LRRC7: variants seen among roughly 807,000 people sequenced by gnomAD.
LRRC7 encodes leucine-rich repeat-containing protein 7.
In LRRC7, 23 loss-of-function variants were observed where a neutral mutation model predicts 175.7. That is an observed-to-expected ratio of 0.13 (90% confidence interval 0.09 to 0.19). LRRC7 has a LOEUF of 0.19. Among genes scored for constraint, LRRC7 ranks in the 10% least tolerant of loss-of-function variants. The pLI is 1.00. For synonymous variants in LRRC7, 685 were observed against 680.9 expected (o/e 1.01, Z -0.09); for missense variants, 1,354 against 1,904.7 (o/e 0.71, Z 5.38).
intron 3 of LRRC7, among the ~76,000 whole-genome samples, chr1:69,785,527 T>G (rs771364413): frequency 3.3e-5 from 5 of 152,144 alleles, no homozygotes; most frequent in Non-Finnish European, 5.9e-5. Flanking sequence ...TGTATTTCAC[T>G]CTATTCTGTA....
chr1:69,732,529 T>C (rs1244308409), intron 2 of LRRC7, among the ~76,000 whole-genome samples: 1 of 152,018 alleles, frequency 6.6e-6, no homozygotes, highest in Non-Finnish European at 1.5e-5. Context: ...GCCAGTATGT[T>C]AACATTCTGT....
intron 2 of LRRC7, among the ~76,000 whole-genome samples, chr1:69,701,636 T>C (rs778090133): frequency 7.2e-5 from 11 of 152,346 alleles, no homozygotes; most frequent in South Asian, 4.1e-4. Flanking sequence ...AACCCATTAA[T>C]GACTAAAACT....
chr1:69,965,177 G>A (rs1651536704), intron 8 of LRRC7, among the ~76,000 whole-genome samples: 1 of 152,192 alleles, frequency 6.6e-6, no homozygotes, highest in Admixed American at 6.5e-5. Context: ...TTGTTCACAT[G>A]TACTTCTGCT....
At chr1:69,790,849 A>G (rs1483412737) in intron 3 of LRRC7, among the ~76,000 whole-genome samples, 1 of 152,000 alleles carries the variant, frequency 6.6e-6, no homozygotes, top group Admixed American at 6.6e-5. Flanking sequence ...ACACTACATG[A>G]AGTGTTACGA....
intron 7 of LRRC7, chr1:69,874,316 C>T (rs919290020): frequency 1.3e-5 from 2 of 152,096 alleles, no homozygotes; most frequent in Non-Finnish European, 2.9e-5. Flanking sequence ...TTGCTTTTAA[C>T]ATTTTATACA....
intron 7 of LRRC7, among the ~76,000 whole-genome samples, chr1:69,852,734 A>G (rs1223618971): frequency 6.6e-6 from 1 of 152,200 alleles, no homozygotes. Context: ...AAAAATAAAT[A>G]TCAACTTTGG....
At chr1:69,893,617 T>G (rs1645898209) in intron 7 of LRRC7, among the ~76,000 whole-genome samples, 1 of 152,234 alleles carries the variant, frequency 6.6e-6, no homozygotes, top group Non-Finnish European at 1.5e-5. Context: ...GAAATGTAAA[T>G]TATTTCCTAC....
intron 7 of LRRC7, among the ~76,000 whole-genome samples, chr1:69,843,188 T>A (rs1681928191): frequency 6.6e-6 from 1 of 151,538 alleles, no homozygotes; most frequent in Admixed American, 6.6e-5. Flanking sequence ...TGAGACTCCA[T>A]CTCAAAACAA....
At chr1:69,765,666 A>G (rs536090242) in intron 3 of LRRC7, among the ~76,000 whole-genome samples, 100 of 152,188 alleles carry the variant, frequency 6.6e-4, no homozygotes, top group African/African-American at 2.2e-3. Flanking sequence ...GGGTGATACA[A>G]ATTATTAAGG....
chr1:69,625,679 A>G (rs1651402769), intron 1 of LRRC7, among the ~76,000 whole-genome samples: 1 of 152,098 alleles, frequency 6.6e-6, no homozygotes, highest in African/African-American at 2.4e-5. Context: ...CAAAATTCCC[A>G]CAAATGTGGC....
chr1:70,023,306 A>G lies in LRRC7; in HGVS notation c.1726A>G (p.Arg576Gly). ...TTGTATAAGTGGCCTCCAGCAGGAA[A>G]GGAGCATGTGTACTCCATTGCCAGT... is the stretch of plus-strand genomic sequence containing the variant. The part of the protein sequence containing the change: ...WGCISGLQQE[R>G]SMCTPLPVAA... The change falls in exon 17 of 27, where the codon AGG becomes GGG. Residue 576 changes from arginine to glycine, a missense_variant. Coordinates refer to ENST00000651989, the MANE Select transcript of LRRC7 (RefSeq NM_001370785.2). 6.2e-7 allele frequency: 1 copy of G among 1,613,710 alleles called. No homozygotes were observed. Among genetic ancestry groups the G allele is most frequent in the East Asian group, 2.2e-5 (1 of 44,836 alleles).
intron 7 of LRRC7, among the ~76,000 whole-genome samples, chr1:69,847,662 C>A (rs1682527477): frequency 6.6e-6 from 1 of 152,030 alleles, no homozygotes; most frequent in Non-Finnish European, 1.5e-5. Context: ...CTCCTACTAG[C>A]CCCAAATCAC....
chr1:69,943,170 T>C lies in LRRC7; in HGVS notation c.711+11600T>C, dbSNP rs144542043. ...TACATGAATATGCAAACCAACATTA[T>C]TGATAATAGGCAAGAAGTGGAAACA... On this transcript the variant is annotated intron_variant, in intron 8 of 26. Coordinates refer to ENST00000651989, the MANE Select transcript of LRRC7 (RefSeq NM_001370785.2). Among the ~76,000 whole-genome samples the C allele has an allele frequency of 9.0e-3, 1,376 of 152,232 alleles. 48 individuals are homozygous for C. The highest frequency in any genetic ancestry group is 0.066 in the Admixed American group (1,011 of 15,264).
At chr1:69,610,371 A>G (rs1225983262) in intron 1 of LRRC7, among the ~76,000 whole-genome samples, 1 of 152,022 alleles carries the variant, frequency 6.6e-6, no homozygotes, top group Non-Finnish European at 1.5e-5. Flanking sequence ...GTCAGGAAGT[A>G]TCATAATTGC....
intron 8 of LRRC7, among the ~76,000 whole-genome samples, chr1:69,944,622 C>T (rs555984699): frequency 7.9e-5 from 12 of 151,980 alleles, no homozygotes; most frequent in Non-Finnish European, 1.6e-4. Context: ...ACGTTCCCAC[C>T]AACAGTACAT....
At chr1:69,783,632 A>C (rs1045161321) in intron 3 of LRRC7, among the ~76,000 whole-genome samples, 4 of 151,512 alleles carry the variant, frequency 2.6e-5, no homozygotes, top group African/African-American at 9.7e-5. Context: ...AGCGTCTATA[A>C]TCCCAGCTAC....
At chr1:69,585,677 G>A (rs1394953172) in intron 1 of LRRC7, among the ~76,000 whole-genome samples, 1 of 152,184 alleles carries the variant, frequency 6.6e-6, no homozygotes, top group African/African-American at 2.4e-5. Flanking sequence ...CTTTGAAAGA[G>A]TCTGCAGATG....
intron 26 of LRRC7, among the ~76,000 whole-genome samples, chr1:70,108,419 A>G (rs1665290378): frequency 6.6e-6 from 1 of 152,180 alleles, no homozygotes; most frequent in South Asian, 2.1e-4. Flanking sequence ...TACTTTACAT[A>G]AACTCATTTA....
chr1:69,618,050 C>A (rs1649962334), intron 1 of LRRC7, among the ~76,000 whole-genome samples: 1 of 152,084 alleles, frequency 6.6e-6, no homozygotes, highest in African/African-American at 2.4e-5. Flanking sequence ...GGGAAGATCC[C>A]TACTACGGTG....
Sources: allele counts gnomAD v4.1 joint callset (sites outside exome capture counted in the v4.1 genomes callset), GRCh38; gene constraint gnomAD v4.1.1; transcripts MANE v1.5; gene names NCBI Gene and HGNC (gene_info 2026-07-23, HGNC 2026-07-21).